The following PRSS23 variants were observed in gnomAD, a reference collection of about 807,000 sequenced individuals.
The protein encoded by PRSS23 is serine protease 23.
Under a neutral mutation model 34.7 loss-of-function variants are expected in PRSS23, and 25 were observed. The ratio of observed to expected loss-of-function variants is 0.72; its 90% CI spans 0.53 to 1.01. The LOEUF is 1.01. PRSS23 is among the 50% of genes least tolerant of loss of function. The pLI is 0.00. For synonymous variants in PRSS23, 176 were observed against 186.6 expected (o/e 0.94, Z 0.46); for missense variants, 445 against 475.6 (o/e 0.94, Z 0.60).
chr11:86,868,893 C>T (rs1948667514), intron 2 of PRSS23, among the ~76,000 whole-genome samples: 1 of 152,148 alleles, frequency 6.6e-6, no homozygotes, highest in African/African-American at 2.4e-5. Context: ...CTCACTGCAG[C>T]CTCAACCTCC....
chr11:86,834,247 G>T (rs1948384785), intron 2 of PRSS23, among the ~76,000 whole-genome samples: 1 of 152,194 alleles, frequency 6.6e-6, no homozygotes, highest in African/African-American at 2.4e-5. Context: ...CTAAGTGAAA[G>T]ATTTGGTGAA....
intron 2 of PRSS23, among the ~76,000 whole-genome samples, chr11:86,941,693 TAA>T (rs1040781603): frequency 6.6e-6 from 1 of 152,186 alleles, no homozygotes; most frequent in Non-Finnish European, 1.5e-5. Flanking sequence ...AGCAAATATT[TAA>T]AAGAGACAAC....
intron 2 of PRSS23, among the ~76,000 whole-genome samples, chr11:86,892,725 ATTATTAATAT>A (rs1948849802): frequency 7.6e-6 from 1 of 131,428 alleles, no homozygotes; most frequent in South Asian, 2.5e-4. Flanking sequence ...ATACTTATTA[ATTATTAATAT>A]TATTATTGCC....
rs1565373193 is a variant in PRSS23, at chr11:86,875,664, G to GTAATAT, written c.206+52072_206+52077dup. Among the ~76,000 whole-genome samples, 5 of 152,282 alleles carry GTAATAT rather than the reference G, an allele frequency of 3.3e-5. No homozygotes were observed. The South Asian group carries it at 8.3e-4, about 25-fold the overall frequency. Reference sequence around the variant, plus strand: ...TTCGATTAAAAATTTAAGCAACTGCGTAATATAGAAGGAACATCAGAACAA... The same window carrying GTAATAT: ...TTCGATTAAAAATTTAAGCAACTGCGTAATATTAATATAGAAGGAACATCAGAACAA... On this transcript the variant is annotated intron_variant, in intron 2 of 2. Transcript: ENST00000533902.
chr11:86,832,692 CT>C, intron 2 of PRSS23: 1 of 340,064 alleles, frequency 2.9e-6, no homozygotes. Flanking sequence ...CCCCCAACGA[CT>C]TTTCCATAAA....
At chr11:86,880,599 G>A (rs935533157) in intron 2 of PRSS23, among the ~76,000 whole-genome samples, 1 of 151,976 alleles carries the variant, frequency 6.6e-6, no homozygotes, top group African/African-American at 2.4e-5. Flanking sequence ...CCATCATCTA[G>A]GTTTCAAGCC....
intron 2 of PRSS23, among the ~76,000 whole-genome samples, chr11:86,862,265 C>G (rs1192045742): frequency 1.3e-5 from 2 of 151,736 alleles, no homozygotes; most frequent in African/African-American, 4.8e-5. Context: ...TTTGTAATAT[C>G]CTTGGGGTAT....
intron 2 of PRSS23, among the ~76,000 whole-genome samples, chr11:86,824,998 A>G (rs1465937952): frequency 6.6e-6 from 1 of 152,116 alleles, no homozygotes; most frequent in Admixed American, 6.5e-5. Context: ...CATACCCAGT[A>G]ATGGGATGGC....
rs79644335 is a variant in PRSS23, at chr11:86,819,402, A to G, written c.-11-3975A>G. On this transcript the variant is annotated intron_variant, in intron 1 of 2. Coordinates refer to the PRSS23 transcript ENST00000533902. ...GGCTCCATTTTTTTTTAGAGAGAGA[A>G]CACCTACACTGCTATATATAATTTA... is the stretch of plus-strand genomic sequence containing the variant. Among the ~76,000 whole-genome samples, 1,187 of 152,284 alleles carry G rather than the reference A, an allele frequency of 7.8e-3. 9 individuals are homozygous for G. Among genetic ancestry groups the G allele is most frequent in the African/African-American group, 0.028 (1,149 of 41,542 alleles).
chr11:86,857,845 G>T, intron 2 of PRSS23: 2 of 556,860 alleles, frequency 3.6e-6, no homozygotes, highest in Non-Finnish European at 6.9e-6. Flanking sequence ...GTACATGGGG[G>T]TGTGGAAGTG....
exon 3 of PRSS23, chr11:86,952,766 GAAAT>G: frequency 4.5e-6 from 1 of 220,144 alleles, no homozygotes; most frequent in Admixed American, 5.2e-5. Flanking sequence ...CACAACACTT[GAAAT>G]AAATCTTAAA....
intron 2 of PRSS23, among the ~76,000 whole-genome samples, chr11:86,918,988 C>T (rs1949031348): frequency 6.6e-6 from 1 of 152,140 alleles, no homozygotes; most frequent in Non-Finnish European, 1.5e-5. Flanking sequence ...GGCGAAATCT[C>T]CTGAGATACT....
At position 86,808,696 on chromosome 11, in the gene PRSS23, C is replaced by G. The variant is rs763097227; in HGVS notation, c.1053C>G (p.Ser351=). The G allele has an allele frequency of 7.4e-6, 12 of 1,614,074 alleles. No individual in the cohort carries two copies. In the South Asian group the frequency reaches 1.2e-4, roughly 16 times the overall value. Residue 351 remains serine (S), a synonymous_variant, in exon 2 of 2, where the codon TCC becomes TCG. Transcript: ENST00000280258. ...SGHQWVDMNG[S]PQDFNVAVRI... is the part of the protein sequence containing the mutation. Reference sequence around the variant, plus strand: ...ACCAGTGGGTGGACATGAATGGTTCCCCACAGGATTTCAACGTGGCTGTCA... The same window carrying G: ...ACCAGTGGGTGGACATGAATGGTTCGCCACAGGATTTCAACGTGGCTGTCA...
At chr11:86,811,315 G>A (rs1004452950), downstream of PRSS23, 1 of 160,968 alleles carries the variant, frequency 6.2e-6, no homozygotes, top group Admixed American at 6.5e-5. Flanking sequence ...CAGCCTTTTG[G>A]TTGAGGTGGT....
chr11:86,943,592 C>A (rs575439081), intron 2 of PRSS23, among the ~76,000 whole-genome samples: 66 of 151,750 alleles, frequency 4.3e-4, no homozygotes, highest in African/African-American at 1.6e-3. Context: ...TCATTGCACT[C>A]CAGCCTGGGT....
At chr11:86,950,660 G>T (rs1431537912) in intron 2 of PRSS23, 2 of 197,036 alleles carry the variant, frequency 1.0e-5, no homozygotes, top group Admixed American at 1.1e-4. Flanking sequence ...TAAAACTCTT[G>T]TAACACTTTT....
At position 86,887,511 on chromosome 11, in the gene PRSS23, A is replaced by T. The variant is rs145265173; in HGVS notation, c.207-63705A>T. 9.3e-3 allele frequency among the ~76,000 whole-genome samples: 1,423 copies of T among 152,274 alleles called. 23 individuals are homozygous for T. The highest frequency in any genetic ancestry group is 0.032 in the African/African-American group (1,314 of 41,548). On this transcript the variant is annotated intron_variant, in intron 2 of 2. Coordinates refer to the PRSS23 transcript ENST00000533902. ...TGAATGTGAGGGAATAGATGAGAAGATTCAGCAAATATTCCCTGTGAGCAC... is the reference window on the plus strand; with the variant it reads ...TGAATGTGAGGGAATAGATGAGAAGTTTCAGCAAATATTCCCTGTGAGCAC...
intron 2 of PRSS23, among the ~76,000 whole-genome samples, chr11:86,842,253 A>G (rs974958986): frequency 3.3e-5 from 5 of 152,126 alleles, no homozygotes; most frequent in African/African-American, 1.2e-4. Context: ...TAAAAACTCT[A>G]TATAAACTAG....
chr11:86,945,171 C>G (rs915210548), intron 2 of PRSS23, among the ~76,000 whole-genome samples: 26 of 151,662 alleles, frequency 1.7e-4, no homozygotes, highest in Non-Finnish European at 3.1e-4. Context: ...GTGACATATG[C>G]CCATGTCTAT....
Sources: allele counts gnomAD v4.1 joint callset (sites outside exome capture counted in the v4.1 genomes callset), GRCh38; gene constraint gnomAD v4.1.1; transcripts MANE v1.5; gene names NCBI Gene and HGNC (gene_info 2026-07-23, HGNC 2026-07-21).